Variants in SORCS2 observed in about 807,000 individuals in gnomAD.
SORCS2 encodes sortilin related VPS10 domain containing receptor 2, also known as VPS10 domain-containing receptor SorCS2.
SORCS2 carries 100 observed loss-of-function variants against 141.6 expected under a neutral mutation model. The ratio of observed to expected loss-of-function variants is 0.71; its 90% CI spans 0.60 to 0.83. SORCS2 has a LOEUF of 0.83. SORCS2 is among the 40% of genes least tolerant of loss of function. SORCS2 has a pLI of 0.00. For missense variants in SORCS2, 1,646 were observed against 1,560.2 expected, an observed-to-expected ratio of 1.05 and a Z score of -0.93; for synonymous variants, 789 against 676.9, an observed-to-expected ratio of 1.17 and a Z score of -2.57.
intron 3 of SORCS2, among the ~76,000 whole-genome samples, chr4:7,637,075 A>G (rs985503181): frequency 1.3e-5 from 2 of 152,114 alleles, no homozygotes; most frequent in Middle Eastern, 3.2e-3. Context: ...CAGTCATTGA[A>G]TTTACGGTCT....
intron 3 of SORCS2, among the ~76,000 whole-genome samples, chr4:7,567,900 A>G (rs1402414439): frequency 6.6e-6 from 1 of 152,170 alleles, no homozygotes; most frequent in East Asian, 1.9e-4. Flanking sequence ...TTTATTGTTT[A>G]AGCCATTCCA....
In SORCS2 at chr4:7,562,399, C is replaced by A. The variant is rs546074465; in HGVS notation, c.648+30770C>A. Among the ~76,000 whole-genome samples the A allele has an allele frequency of 7.9e-5, 12 of 151,964 alleles. No individual in the cohort carries two copies. In the South Asian group the frequency reaches 2.1e-3, roughly 26 times the overall value. The stretch of plus-strand genomic sequence containing the variant: ...TGGTGGCTACAAGGAGGAGGGATGG[C>A]CTGGGATGAGGCTGGGGAGACAGTA... On this transcript the variant is annotated intron_variant, in intron 3 of 26. Coordinates refer to ENST00000507866, the MANE Select transcript of SORCS2 (RefSeq NM_020777.3).
chr4:7,355,091 T>C (rs1721168316), intron 1 of SORCS2, among the ~76,000 whole-genome samples: 1 of 152,064 alleles, frequency 6.6e-6, no homozygotes, highest in South Asian at 2.1e-4. Flanking sequence ...TAATGATGTG[T>C]TGTTCATTTG....
At chr4:7,678,313 G>C (rs770335404) in intron 9 of SORCS2, among the ~76,000 whole-genome samples, 1 of 150,980 alleles carries the variant, frequency 6.6e-6, no homozygotes, top group Non-Finnish European at 1.5e-5. Flanking sequence ...GAAGAAGTTC[G>C]CAGTGGCCCG....
intron 2 of SORCS2, among the ~76,000 whole-genome samples, chr4:7,411,015 G>C (rs536295044): frequency 7.1e-6 from 1 of 140,172 alleles, no homozygotes; most frequent in Non-Finnish European, 1.5e-5. Flanking sequence ...GAGTGTAGTG[G>C]TGTGATCTCG....
intron 14 of SORCS2, among the ~76,000 whole-genome samples, chr4:7,711,495 C>T (rs1261446481): frequency 2.0e-5 from 3 of 152,226 alleles, no homozygotes; most frequent in South Asian, 2.1e-4. Context: ...GTAATATGGC[C>T]GGAGCACCAC....
At chr4:7,354,085 G>T (rs748932341) in intron 1 of SORCS2, among the ~76,000 whole-genome samples, 1 of 152,164 alleles carries the variant, frequency 6.6e-6, no homozygotes, top group Non-Finnish European at 1.5e-5. Context: ...GCCATGTTGC[G>T]AGCATGAGTT....
intron 3 of SORCS2, among the ~76,000 whole-genome samples, chr4:7,543,049 C>T (rs372144965): frequency 3.9e-5 from 6 of 152,306 alleles, no homozygotes; most frequent in South Asian, 2.1e-4. Context: ...CTGGCCAGCA[C>T]GTGTCAGTGG....
intron 1 of SORCS2, among the ~76,000 whole-genome samples, chr4:7,350,297 C>T (rs186187721): frequency 3.9e-5 from 6 of 152,336 alleles, no homozygotes; most frequent in Admixed American, 2.0e-4. Flanking sequence ...ACAGTGTCAG[C>T]GTTCCAGAGT....
At position 7,739,893 on chromosome 4, in the gene SORCS2, C is replaced by T. The variant is rs74609077; in HGVS notation, c.3416-307C>T. ...CGGAGCCTCAGCCCCTCTCGCACCC[C>T]CTTGCTGCCGATGCCGGGGGCGATC... On this transcript the variant is annotated intron_variant, in intron 26 of 26. Transcript: ENST00000507866. Among the ~76,000 whole-genome samples the T allele has an allele frequency of 3.3e-5, 5 of 152,290 alleles. No homozygotes were observed. The East Asian group carries it at 9.6e-4, about 29-fold the overall frequency.
chr4:7,360,323 A>G (rs1721504963), intron 1 of SORCS2, among the ~76,000 whole-genome samples: 1 of 152,140 alleles, frequency 6.6e-6, no homozygotes, highest in Non-Finnish European at 1.5e-5. Flanking sequence ...ATTTCACAGC[A>G]GGACGGTGGC....
At chr4:7,629,763 A>C (rs1719761196) in intron 3 of SORCS2, among the ~76,000 whole-genome samples, 1 of 149,810 alleles carries the variant, frequency 6.7e-6, no homozygotes, top group Non-Finnish European at 1.5e-5. Context: ...ATCAAACCCC[A>C]CCCTCCCTCT....
rs538324250 is a variant in SORCS2 at position 7,413,111 on chromosome 4, A to G, written c.548+16756A>G. On this transcript the variant is annotated intron_variant, in intron 2 of 26. Coordinates refer to ENST00000507866, the MANE Select transcript of SORCS2 (RefSeq NM_020777.3). ...GCTTTAAGAATCTCTTCTTAAAGAC[A>G]TTCTTAATATGGGCAGGGCCAAATC... is the stretch of plus-strand genomic sequence containing the variant. Among the ~76,000 whole-genome samples the G allele has an allele frequency of 2.6e-5, 4 of 152,266 alleles. No individual in the cohort carries two copies. In the East Asian group the frequency reaches 7.8e-4, roughly 30 times the overall value.
intron 1 of SORCS2, among the ~76,000 whole-genome samples, chr4:7,337,217 A>G (rs746816785): frequency 6.6e-6 from 1 of 152,120 alleles, no homozygotes; most frequent in African/African-American, 2.4e-5. Context: ...TCATTTACTC[A>G]TGACGATTAG....
chr4:7,583,285 G>A (rs183518120), intron 3 of SORCS2, among the ~76,000 whole-genome samples: 5 of 152,200 alleles, frequency 3.3e-5, no homozygotes, highest in Admixed American at 6.5e-5. Flanking sequence ...GCCCACTTTC[G>A]AGAGAGGGAA....
intron 1 of SORCS2, among the ~76,000 whole-genome samples, chr4:7,308,146 C>T (rs1274643999): frequency 6.6e-6 from 1 of 152,158 alleles, no homozygotes; most frequent in East Asian, 1.9e-4. Flanking sequence ...TGCTTTCATC[C>T]CTCTCCCTCT....
At chr4:7,515,981 C>T (rs1456293402) in intron 2 of SORCS2, among the ~76,000 whole-genome samples, 1 of 152,194 alleles carries the variant, frequency 6.6e-6, no homozygotes, top group Non-Finnish European at 1.5e-5. Flanking sequence ...CAAGGGTGCT[C>T]TCGGCTCTCG....
chr4:7,600,618 T>A (rs1717594136), intron 3 of SORCS2, among the ~76,000 whole-genome samples: 1 of 150,442 alleles, frequency 6.6e-6, no homozygotes, highest in African/African-American at 2.4e-5. Flanking sequence ...AGGGAATTCC[T>A]AGCCTGGCGT....
intron 2 of SORCS2, among the ~76,000 whole-genome samples, chr4:7,461,529 C>A (rs1382843679): frequency 1.3e-5 from 2 of 152,248 alleles, no homozygotes; most frequent in Admixed American, 6.5e-5. Context: ...CTGGGATTTT[C>A]ATGCACGTGA....
Sources: allele counts gnomAD v4.1 joint callset (sites outside exome capture counted in the v4.1 genomes callset), GRCh38; gene constraint gnomAD v4.1.1; transcripts MANE v1.5; gene names NCBI Gene and HGNC (gene_info 2026-07-23, HGNC 2026-07-21).